Variants in P2RX5 observed in about 807,000 individuals in gnomAD.
The protein encoded by P2RX5 is purinergic receptor P2X 5.
P2RX5 carries 46 observed loss-of-function variants against 54.1 expected under a neutral mutation model. That is an observed-to-expected ratio of 0.85 (90% CI 0.67 to 1.09). The LOEUF (loss-of-function observed/expected upper bound fraction) is 1.09. Among genes scored for constraint, P2RX5 ranks in the 50% least tolerant of loss-of-function variants. The pLI, the probability that P2RX5 is intolerant of heterozygous loss-of-function variation, is 0.00. For missense variants in P2RX5, 566 were observed against 549.8 expected, an observed-to-expected ratio of 1.03 and a Z score of -0.29; for synonymous variants, 226 against 226.4, an observed-to-expected ratio of 1.00 and a Z score of 0.02.
In P2RX5 at chr17:3,690,618, A is replaced by C; in HGVS notation, c.423T>G (p.Val141=). 1 of 1,613,592 alleles carries C rather than the reference A, an allele frequency of 6.2e-7. No homozygotes were observed. The highest frequency in any genetic ancestry group is 8.5e-7 in the Non-Finnish European group (1 of 1,180,016). ...CCAGGCCCTCACCGTTTCCAGCTGTAACCGCTTCCCCAGCGTGGCAGTCGC... is the reference window on the plus strand; with the variant it reads ...CCAGGCCCTCACCGTTTCCAGCTGTCACCGCTTCCCCAGCGTGGCAGTCGC... ...KDSDCHAGEA[V]TAGNGVKTGR... Residue 141 remains valine, a synonymous_variant, in exon 4 of 12, where the codon GTT becomes GTG. Transcript: ENST00000225328.
Position 3,684,839 on chromosome 17 carries a change from T to C in P2RX5, c.982-2861A>G, listed in dbSNP as rs1013830245. Among the ~76,000 whole-genome samples the C allele has an allele frequency of 5.5e-3, 54 of 9,818 alleles. 1 individual carries two copies. In the South Asian group the frequency reaches 0.34, roughly 61 times the overall value. 6.4% of individuals were successfully genotyped at this position (9,818 alleles called of 152,430 possible). On this transcript the variant is annotated intron_variant, in intron 9 of 11. Coordinates refer to ENST00000225328, the MANE Select transcript of P2RX5 (RefSeq NM_002561.4). Reference sequence around the variant, plus strand: ...TCTGCAGCCTAATCCTGCCCCCTTTTTTTTTTTTTTTTTTTTTTTTTTGGA... The same window carrying C: ...TCTGCAGCCTAATCCTGCCCCCTTTCTTTTTTTTTTTTTTTTTTTTTTGGA...
intron 5 of P2RX5, 71 bp downstream of exon 5, chr17:3,690,356 C>T: frequency 3.1e-6 from 4 of 1,303,760 alleles, no homozygotes; most frequent in Non-Finnish European, 3.3e-6. Context: ...GGGCAGGACT[C>T]CACCCTCAGG....
chr17:3,709,797 T>C, the P2RX5 span, among the ~76,000 whole-genome samples: 1 of 152,050 alleles, frequency 6.6e-6, no homozygotes, highest in African/African-American at 2.4e-5. Flanking sequence ...TAGTTCCAGC[T>C]ACTCGGGGGG....
Position 3,696,093 on chromosome 17 carries a change from C to G in P2RX5, c.-88G>C. The stretch of plus-strand genomic sequence containing the variant: ...TCCCTCGGTCCCTGCGCGCCCGGCG[C>G]CCGCCTCGGCCCGTCTGCGCCCGCT... On this transcript the variant is annotated 5_prime_UTR_variant, in exon 1 of 12. Transcript: ENST00000225328. The G allele has an allele frequency of 2.2e-6, 3 of 1,387,228 alleles. No individual in the cohort carries two copies. The highest frequency in any genetic ancestry group is 2.9e-6 in the Non-Finnish European group (3 of 1,052,136). The allele number at this position is 1,387,228 out of a possible 1,614,324, so 85.9% of individuals were successfully genotyped here.
chr17:3,707,260 A>G, the P2RX5 span, among the ~76,000 whole-genome samples: 1 of 152,154 alleles, frequency 6.6e-6, no homozygotes, highest in African/African-American at 2.4e-5. Flanking sequence ...ATGTGTGAAC[A>G]TTTTCGTAAT....
intron 11 of P2RX5, chr17:3,675,976 C>T (rs1262380170): frequency 1.0e-6 from 1 of 985,226 alleles, no homozygotes; most frequent in East Asian, 1.1e-4. Flanking sequence ...GTCCCTGGGC[C>T]CCTGACATCC....
At chr17:3,673,938 GC>G (rs2050039361) in intron 11 of P2RX5, 61 bp from the exon 12 acceptor site, 1 of 1,446,988 alleles carries the variant, frequency 6.9e-7, no homozygotes, top group African/African-American at 1.4e-5. Context: ...TCCCAGTGAG[GC>G]AACCAGTGCC....
chr17:3,702,337 ACTCTGTAAAATGGACCAATCAGCG>A, the P2RX5 span, among the ~76,000 whole-genome samples: 7 of 152,262 alleles, frequency 4.6e-5, no homozygotes, highest in Middle Eastern at 3.4e-3. Context: ...ACCAACCAGC[ACTCTGTAAAATGGACCAATCAGCG>A]CTCTGTAAAA....
intron 9 of P2RX5, 148 bp from the exon 10 acceptor site, chr17:3,682,126 G>A (rs543105481): frequency 2.6e-4 from 178 of 690,228 alleles, no homozygotes; most frequent in Non-Finnish European, 8.7e-5. Context: ...CTCAGCAAGG[G>A]GCACCCTTGT....
chr17:3,696,328 AC>A, upstream of P2RX5: 1 of 195,698 alleles, frequency 5.1e-6, no homozygotes, highest in Non-Finnish European at 1.0e-5. Context: ...CTCCCCAGCC[AC>A]CGGTCTGGGA....
chr17:3,681,014 TGCATCCTCCACCCTGCGTCCTCCACCCA>T (rs2050262717), intron 10 of P2RX5, among the ~76,000 whole-genome samples: 9 of 142,128 alleles, frequency 6.3e-5, no homozygotes, highest in African/African-American at 2.4e-4. Context: ...TCCTCCACCC[TGCATCCTCCACCCTGCGTCCTCCACCCA>T]GCGTCCTCCA....
the P2RX5 span, among the ~76,000 whole-genome samples, chr17:3,708,160 G>C: frequency 6.6e-6 from 1 of 151,808 alleles, no homozygotes; most frequent in South Asian, 2.1e-4. Context: ...CCGTGGTCCT[G>C]TCTTCTCCCT....
At chr17:3,690,195 G>T (rs1387552549) in intron 5 of P2RX5, 45 bp from the exon 6 acceptor site, 2 of 1,545,240 alleles carry the variant, frequency 1.3e-6, no homozygotes, top group Admixed American at 3.3e-5. Flanking sequence ...CCCCACCCCT[G>T]TGCCCCTCCC....
the P2RX5 span, among the ~76,000 whole-genome samples, chr17:3,706,832 C>G: frequency 2.0e-5 from 3 of 152,230 alleles, no homozygotes; most frequent in South Asian, 4.2e-4. Flanking sequence ...GGATGGTCTC[C>G]ATCTCCTGAC....
chr17:3,708,373 C>T, the P2RX5 span, among the ~76,000 whole-genome samples: 191 of 151,412 alleles, frequency 1.3e-3, 3 homozygotes, highest in East Asian at 0.034. Context: ...ACCCCAGAAG[C>T]AGGGAGCAGC....
chr17:3,709,779 G>C, the P2RX5 span, among the ~76,000 whole-genome samples: 1 of 152,008 alleles, frequency 6.6e-6, no homozygotes, highest in Non-Finnish European at 1.5e-5. Flanking sequence ...CATGGTGGCG[G>C]GTGCCTGTAG....
chr17:3,719,234 T>TAAAAAAAAAAAAAAAAA, the P2RX5 span, among the ~76,000 whole-genome samples: 8 of 34,708 alleles, frequency 2.3e-4, no homozygotes, highest in African/African-American at 9.8e-4. Flanking sequence ...AGATTCTTCC[T>TAAAAAAAAAAAAAAAAA]CAAAAAAAAA....
chr17:3,708,218 G>T, the P2RX5 span, among the ~76,000 whole-genome samples: 3 of 152,034 alleles, frequency 2.0e-5, no homozygotes, highest in Non-Finnish European at 2.9e-5. Flanking sequence ...CAATGATGAC[G>T]GCTGCTTCCT....
At chr17:3,684,407 C>T (rs1466612789) in intron 9 of P2RX5, among the ~76,000 whole-genome samples, 3 of 152,228 alleles carry the variant, frequency 2.0e-5, no homozygotes, top group East Asian at 1.9e-4. Context: ...GGTTCAAGAT[C>T]AGCCTGGCCA....
Sources: allele counts gnomAD v4.1 joint callset (sites outside exome capture counted in the v4.1 genomes callset), GRCh38; gene constraint gnomAD v4.1.1; transcripts MANE v1.5; gene names NCBI Gene and HGNC (gene_info 2026-07-23, HGNC 2026-07-21).